Variants in CNTN5 observed in about 807,000 individuals in gnomAD.
CNTN5 encodes contactin 5.
Under a neutral mutation model 129.1 loss-of-function variants are expected in CNTN5, and 77 were observed. The ratio of observed to expected loss-of-function variants is 0.60; its 90% CI spans 0.50 to 0.72. CNTN5 has a LOEUF of 0.72. Ranked by LOEUF, CNTN5 falls within the 30% of genes least tolerant of loss-of-function variation. The probability of loss-of-function intolerance (pLI) is 0.00; values close to 1 mark genes in which losing one functional copy is unlikely to be tolerated. For synonymous variants in CNTN5, 509 were observed against 465.6 expected, an observed-to-expected ratio of 1.09 and a Z score of -1.20; for missense variants, 1,478 against 1,328.8, an observed-to-expected ratio of 1.11 and a Z score of -1.75.
chr11:99,620,718 C>T (rs149225035), intron 3 of CNTN5, among the ~76,000 whole-genome samples: 448 of 151,944 alleles, frequency 2.9e-3, no homozygotes, highest in African/African-American at 9.5e-3. Context: ...CCGCTCCCCC[C>T]CGGCCATCAG....
intron 1 of CNTN5, among the ~76,000 whole-genome samples, chr11:99,055,279 T>G (rs989107999): frequency 6.6e-6 from 1 of 152,030 alleles, no homozygotes; most frequent in African/African-American, 2.4e-5. Flanking sequence ...TTTGTCAGTT[T>G]GTAATATCTG....
rs1354189331 is a variant in CNTN5, at chr11:99,845,672, C to A, written c.577+410C>A. 5.9e-5 allele frequency among the ~76,000 whole-genome samples: 9 copies of A among 152,006 alleles called. 1 individual carries two copies. The highest frequency in any genetic ancestry group is 3.9e-4 in the Admixed American group (6 of 15,276). ...CAGGCGTGAGCCACCGCGCCCGGCC[C>A]TTCTTGGGATATTTTGAAATTTTCT... On this transcript the variant is annotated intron_variant, in intron 6 of 24. Transcript: ENST00000524871.
intron 7 of CNTN5, among the ~76,000 whole-genome samples, chr11:99,942,233 G>A (rs1033495512): frequency 5.3e-5 from 8 of 151,966 alleles, no homozygotes; most frequent in Non-Finnish European, 1.0e-4. Context: ...TGCTCTAGAT[G>A]AGTATGTGAT....
intron 21 of CNTN5, among the ~76,000 whole-genome samples, chr11:100,326,616 T>TA (rs1951792153): frequency 2.6e-5 from 4 of 152,236 alleles, no homozygotes; most frequent in African/African-American, 9.6e-5. Flanking sequence ...AATCTGCCCT[T>TA]TATATTTCAA....
At chr11:99,410,526 G>C (rs1279141502) in intron 2 of CNTN5, among the ~76,000 whole-genome samples, 1 of 151,602 alleles carries the variant, frequency 6.6e-6, no homozygotes, top group Non-Finnish European at 1.5e-5. Flanking sequence ...TATTTTTTTT[G>C]CAAGTATTTA....
At chr11:99,311,255 T>G (rs1865103281) in intron 1 of CNTN5, among the ~76,000 whole-genome samples, 1 of 152,174 alleles carries the variant, frequency 6.6e-6, no homozygotes, top group African/African-American at 2.4e-5. Flanking sequence ...GAACACCATC[T>G]GGTATTCTTT....
At chr11:99,616,258 A>C (rs1950758241) in intron 3 of CNTN5, among the ~76,000 whole-genome samples, 1 of 152,168 alleles carries the variant, frequency 6.6e-6, no homozygotes, top group Admixed American at 6.5e-5. Flanking sequence ...CACTAGAAAT[A>C]AAAATAACAC....
At chr11:99,895,532 C>T (rs1287505712) in intron 6 of CNTN5, among the ~76,000 whole-genome samples, 1 of 152,094 alleles carries the variant, frequency 6.6e-6, no homozygotes, top group Non-Finnish European at 1.5e-5. Context: ...TGTGATTCAC[C>T]AGGGAAGTGA....
At chr11:99,763,943 G>C (rs77545255) in intron 3 of CNTN5, among the ~76,000 whole-genome samples, 5,404 of 151,946 alleles carry the variant, frequency 0.036, 139 homozygotes, top group South Asian at 0.098. Context: ...CCTAAAAAGA[G>C]CTTGTTCACA....
At chr11:99,960,039 A>T (rs1950901092) in intron 8 of CNTN5, among the ~76,000 whole-genome samples, 1 of 152,180 alleles carries the variant, frequency 6.6e-6, no homozygotes, top group South Asian at 2.1e-4. Flanking sequence ...CACGCTGGAG[A>T]GCCAAACTTC....
intron 1 of CNTN5, among the ~76,000 whole-genome samples, chr11:99,077,706 A>G (rs1279555939): frequency 6.6e-6 from 1 of 152,156 alleles, no homozygotes; most frequent in Admixed American, 6.6e-5. Context: ...TTGACCCAGG[A>G]GGGCAGTTTT....
At chr11:100,182,504 G>A (rs1948167870) in intron 13 of CNTN5, among the ~76,000 whole-genome samples, 2 of 152,092 alleles carry the variant, frequency 1.3e-5, no homozygotes, top group Middle Eastern at 3.4e-3. Flanking sequence ...GGCAATTAGA[G>A]GCTTATCATA....
intron 3 of CNTN5, among the ~76,000 whole-genome samples, chr11:99,781,179 A>G (rs1454461854): frequency 6.6e-6 from 1 of 152,108 alleles, no homozygotes; most frequent in Admixed American, 6.6e-5. Context: ...AATATTCAAG[A>G]GTAAAATAAA....
intron 2 of CNTN5, among the ~76,000 whole-genome samples, chr11:99,473,284 A>G (rs933834696): frequency 3.9e-5 from 6 of 152,114 alleles, no homozygotes; most frequent in East Asian, 1.9e-4. Context: ...GTATCTGTAG[A>G]CTAATTTTGA....
intron 1 of CNTN5, among the ~76,000 whole-genome samples, chr11:99,077,661 C>T (rs1865631754): frequency 6.6e-6 from 1 of 152,130 alleles, no homozygotes; most frequent in Non-Finnish European, 1.5e-5. Flanking sequence ...TCCCCACAAT[C>T]CCCACATTTC....
chr11:99,968,703 T>C (rs1409183904), intron 8 of CNTN5, among the ~76,000 whole-genome samples: 1 of 134,992 alleles, frequency 7.4e-6, no homozygotes, highest in Non-Finnish European at 1.6e-5. Flanking sequence ...CCCTTCTAAG[T>C]GCTGCTCCTC....
chr11:99,908,482 G>A (rs1388611378), intron 6 of CNTN5, among the ~76,000 whole-genome samples: 1 of 151,800 alleles, frequency 6.6e-6, no homozygotes, highest in Non-Finnish European at 1.5e-5. Flanking sequence ...AATTTCCTAA[G>A]ATTTTTAGTC....
chr11:99,635,448 G>A (rs1205848479), intron 3 of CNTN5, among the ~76,000 whole-genome samples: 1 of 151,292 alleles, frequency 6.6e-6, no homozygotes, highest in Non-Finnish European at 1.5e-5. Context: ...CAGGAGCTTA[G>A]CAAATGGTAG....
chr11:99,206,526 C>T (rs72998237), intron 1 of CNTN5, among the ~76,000 whole-genome samples: 21,204 of 151,958 alleles, frequency 0.14, 1,564 homozygotes, highest in African/African-American at 0.17. Flanking sequence ...AATAAATTTA[C>T]GTTTTTTCCA....
Sources: allele counts gnomAD v4.1 joint callset (sites outside exome capture counted in the v4.1 genomes callset), GRCh38; gene constraint gnomAD v4.1.1; transcripts MANE v1.5; gene names NCBI Gene and HGNC (gene_info 2026-07-23, HGNC 2026-07-21).